RYR3: variants seen among roughly 807,000 people sequenced by gnomAD.
RYR3 encodes ryanodine receptor 3, also known as brain ryanodine receptor-calcium release channel.
In RYR3, 207 loss-of-function variants were observed where a neutral mutation model predicts 584.3. That is an observed-to-expected ratio of 0.35 (90% CI 0.32 to 0.40). The LOEUF is 0.40. Ranked by LOEUF, RYR3 falls within the 10% of genes least tolerant of loss-of-function variation. The pLI, the probability that RYR3 is intolerant of heterozygous loss-of-function variation, is 1.00. For synonymous variants in RYR3, 2,416 were observed against 2,248.5 expected (o/e 1.07, Z -2.11); for missense variants, 5,616 against 6,089.2 (o/e 0.92, Z 2.59).
At chr15:33,434,849 G>GAGA (rs2045516328) in intron 1 of RYR3, among the ~76,000 whole-genome samples, 1 of 151,826 alleles carries the variant, frequency 6.6e-6, no homozygotes, top group Non-Finnish European at 1.5e-5. Context: ...ACAGAGTCTC[G>GAGA]CTCTGTCTCC....
At chr15:33,725,962 T>A (rs1596323987) in intron 45 of RYR3, among the ~76,000 whole-genome samples, 1 of 44,534 alleles carries the variant, frequency 2.2e-5, no homozygotes, top group Non-Finnish European at 4.1e-5. Context: ...AGAGCAAGAC[T>A]CCATCCCCCC....
At chr15:33,597,870 G>A (rs1477517027) in intron 16 of RYR3, among the ~76,000 whole-genome samples, 1 of 150,940 alleles carries the variant, frequency 6.6e-6, no homozygotes, top group African/African-American at 2.4e-5. Context: ...CGTGCCAATG[G>A]AAGTACATTT....
chr15:33,749,159 C>G (rs1271010394), intron 55 of RYR3, among the ~76,000 whole-genome samples: 7 of 152,100 alleles, frequency 4.6e-5, no homozygotes, highest in Admixed American at 3.3e-4. Flanking sequence ...ACAGCTAGGA[C>G]AAAATCTGTG....
At chr15:33,793,349 G>T (rs1299416081) in intron 67 of RYR3, among the ~76,000 whole-genome samples, 1 of 152,094 alleles carries the variant, frequency 6.6e-6, no homozygotes, top group Non-Finnish European at 1.5e-5. Context: ...TGGTGATTTA[G>T]ACTGAACTCA....
chr15:33,478,893 T>G (rs2049687868), intron 2 of RYR3, among the ~76,000 whole-genome samples: 1 of 152,202 alleles, frequency 6.6e-6, no homozygotes. Context: ...GAAACTAAGA[T>G]AGGTGGAGTA....
chr15:33,624,162 C>A, intron 20 of RYR3, 139 bp downstream of exon 20: 1 of 667,170 alleles, frequency 1.5e-6, no homozygotes, highest in East Asian at 2.6e-5. Flanking sequence ...TGTTACTCCT[C>A]ACATTTTCAC....
chr15:33,788,149 A>T (rs2074858162), intron 66 of RYR3, 69 bp from the exon 67 acceptor site: 1 of 1,595,086 alleles, frequency 6.3e-7, no homozygotes, highest in Non-Finnish European at 8.6e-7. Context: ...CTCACCTTTC[A>T]GTCATGTCTT....
intron 2 of RYR3, among the ~76,000 whole-genome samples, chr15:33,477,375 A>G (rs142105453): frequency 1.8e-4 from 28 of 152,304 alleles, no homozygotes; most frequent in African/African-American, 6.5e-4. Context: ...GGGCATGAGT[A>G]TAATAAGATC....
chr15:33,518,962 G>A (rs1006641440), intron 3 of RYR3, among the ~76,000 whole-genome samples: 4 of 152,218 alleles, frequency 2.6e-5, no homozygotes, highest in Non-Finnish European at 4.4e-5. Context: ...CACAGAAACC[G>A]GAGTGAGAAC....
chr15:33,440,226 G>A (rs2046104220), intron 1 of RYR3, among the ~76,000 whole-genome samples: 1 of 152,196 alleles, frequency 6.6e-6, no homozygotes, highest in African/African-American at 2.4e-5. Flanking sequence ...AATCAAGGCT[G>A]CAGTGAGCTG....
At chr15:33,769,212 TCCTCTCTGAC>T (rs752467075) in intron 62 of RYR3, 40 bp downstream of exon 62, 1 of 1,402,130 alleles carries the variant, frequency 7.1e-7, no homozygotes, top group Admixed American at 1.7e-5. Context: ...TCTCATGACT[TCCTCTCTGAC>T]CCTCTCATCT....
At chr15:33,723,338 T>A (rs1292957526) in intron 44 of RYR3, among the ~76,000 whole-genome samples, 2 of 151,496 alleles carry the variant, frequency 1.3e-5, no homozygotes, top group African/African-American at 4.9e-5. Context: ...AGAAAGTGTT[T>A]CGATTTGACT....
At chr15:33,770,324 A>G (rs549933957) in intron 62 of RYR3, among the ~76,000 whole-genome samples, 2 of 152,236 alleles carry the variant, frequency 1.3e-5, no homozygotes, top group Non-Finnish European at 2.9e-5. Flanking sequence ...TCTTTACTCC[A>G]AGAAACTTGG....
intron 26 of RYR3, 121 bp from the exon 27 acceptor site, chr15:33,636,255 G>C: frequency 7.0e-6 from 6 of 853,100 alleles, no homozygotes; most frequent in South Asian, 6.5e-5. Context: ...TTATCCTTGA[G>C]TGTCCCCTAG....
At chr15:33,793,241 C>T (rs2075268309) in intron 67 of RYR3, among the ~76,000 whole-genome samples, 1 of 152,172 alleles carries the variant, frequency 6.6e-6, no homozygotes, top group Admixed American at 6.5e-5. Flanking sequence ...CCCTGGCACA[C>T]ACCACCCTCC....
chr15:33,729,066 T>G, intron 47 of RYR3, 40 bp downstream of exon 47: 1 of 1,569,570 alleles, frequency 6.4e-7, no homozygotes, highest in South Asian at 1.1e-5. Context: ...GTTCCCATCA[T>G]TGTGAAATTA....
intron 1 of RYR3, among the ~76,000 whole-genome samples, chr15:33,441,478 A>G (rs1378588883): frequency 2.0e-5 from 3 of 152,132 alleles, no homozygotes; most frequent in Non-Finnish European, 4.4e-5. Context: ...TCCCATTTTT[A>G]GATGAGGGAA....
At chr15:33,500,708 C>T (rs1479307474) in intron 2 of RYR3, among the ~76,000 whole-genome samples, 1 of 152,170 alleles carries the variant, frequency 6.6e-6, no homozygotes, top group African/African-American at 2.4e-5. Flanking sequence ...CCACAGGTTC[C>T]ACAGCACAGA....
intron 1 of RYR3, among the ~76,000 whole-genome samples, chr15:33,367,483 T>G (rs1975671661): frequency 6.6e-6 from 1 of 152,216 alleles, no homozygotes; most frequent in Non-Finnish European, 1.5e-5. Flanking sequence ...ACAACGGGGC[T>G]TTCTATCTAA....
Sources: allele counts gnomAD v4.1 joint callset (sites outside exome capture counted in the v4.1 genomes callset), GRCh38; gene constraint gnomAD v4.1.1; transcripts MANE v1.5; gene names NCBI Gene and HGNC (gene_info 2026-07-23, HGNC 2026-07-21).